Variants in PSMB7 observed in about 807,000 individuals in gnomAD.
PSMB7 encodes proteasome 20S subunit beta 7.
Under a neutral mutation model 28.1 loss-of-function variants are expected in PSMB7, and 5 were observed. That is an observed-to-expected ratio of 0.18 (90% confidence interval 0.09 to 0.37). The LOEUF is 0.37. Among genes scored for constraint, PSMB7 ranks in the 10% least tolerant of loss-of-function variants. PSMB7 has a pLI of 1.00. For missense variants in PSMB7, 275 were observed against 346.2 expected, an observed-to-expected ratio of 0.79 and a Z score of 1.63; for synonymous variants, 122 against 123.7, an observed-to-expected ratio of 0.99 and a Z score of 0.09.
chr9:124,385,009 G>A (rs902039150), intron 5 of PSMB7, among the ~76,000 whole-genome samples: 3 of 152,246 alleles, frequency 2.0e-5, no homozygotes, highest in African/African-American at 4.8e-5. Flanking sequence ...TCTATGCTGT[G>A]AGTCTAGTGC....
intron 6 of PSMB7, among the ~76,000 whole-genome samples, chr9:124,360,418 GGCC>G (rs1225937233): frequency 6.6e-6 from 1 of 152,214 alleles, no homozygotes; most frequent in African/African-American, 2.4e-5. Flanking sequence ...GCTACAGAGG[GGCC>G]TTGATAAGGG....
intron 6 of PSMB7, among the ~76,000 whole-genome samples, chr9:124,360,388 G>A (rs1830454360): frequency 6.6e-6 from 1 of 152,222 alleles, no homozygotes; most frequent in South Asian, 2.1e-4. Flanking sequence ...GGCCTGGGCA[G>A]CATCTGCCCG....
intron 6 of PSMB7, among the ~76,000 whole-genome samples, chr9:124,360,966 A>C (rs1043739613): frequency 2.0e-5 from 3 of 152,230 alleles, no homozygotes; most frequent in African/African-American, 7.2e-5. Context: ...AACACAACTT[A>C]TCTCTAAGCA....
chr9:124,404,204 A>G (rs1830940602), intron 5 of PSMB7, among the ~76,000 whole-genome samples: 1 of 151,952 alleles, frequency 6.6e-6, no homozygotes, highest in African/African-American at 2.4e-5. Context: ...CTTTCTATTT[A>G]ACACTGCCAT....
At chr9:124,375,502 T>C (rs974254245) in intron 6 of PSMB7, among the ~76,000 whole-genome samples, 20 of 152,154 alleles carry the variant, frequency 1.3e-4, no homozygotes, top group Non-Finnish European at 2.5e-4. Context: ...AGAAAATAAT[T>C]TGGGGTCTAA....
At chr9:124,358,180 C>CA (rs1830432533) in intron 6 of PSMB7, among the ~76,000 whole-genome samples, 1 of 152,188 alleles carries the variant, frequency 6.6e-6, no homozygotes, top group Non-Finnish European at 1.5e-5. Context: ...CAGCCTGAGA[C>CA]CCTCAAAGGG....
intron 5 of PSMB7, among the ~76,000 whole-genome samples, chr9:124,393,166 C>A (rs184873402): frequency 6.6e-6 from 1 of 152,178 alleles, no homozygotes; most frequent in Middle Eastern, 3.2e-3. Flanking sequence ...TAAAATAAGG[C>A]GGGCACCAGG....
intron 4 of PSMB7, among the ~76,000 whole-genome samples, chr9:124,411,556 A>G (rs1408623384): frequency 6.6e-6 from 1 of 152,254 alleles, no homozygotes; most frequent in Non-Finnish European, 1.5e-5. Flanking sequence ...ACCCAAGACT[A>G]AATGCCCAGG....
chr9:124,413,549 A>G (rs1831053514), intron 3 of PSMB7, among the ~76,000 whole-genome samples: 1 of 152,242 alleles, frequency 6.6e-6, no homozygotes, highest in African/African-American at 2.4e-5. Flanking sequence ...AGAGAGGCCA[A>G]TTAAATGGTA....
At chr9:124,381,597 T>C (rs549271121) in intron 6 of PSMB7, among the ~76,000 whole-genome samples, 1 of 152,232 alleles carries the variant, frequency 6.6e-6, no homozygotes, top group Non-Finnish European at 1.5e-5. Context: ...CCAGGGCTTT[T>C]TGACACAGAA....
intron 6 of PSMB7, among the ~76,000 whole-genome samples, chr9:124,357,497 G>A (rs1263490223): frequency 2.0e-5 from 3 of 152,194 alleles, no homozygotes; most frequent in East Asian, 3.8e-4. Context: ...GTAGTTCTGG[G>A]GAAATGCTGG....
chr9:124,358,705 C>A (rs1218276165), intron 6 of PSMB7, among the ~76,000 whole-genome samples: 1 of 152,204 alleles, frequency 6.6e-6, no homozygotes, highest in East Asian at 1.9e-4. Context: ...TGGGCACGTG[C>A]GGGGAGAACC....
At chr9:124,386,866 TAGGC>T (rs765931496) in intron 5 of PSMB7, among the ~76,000 whole-genome samples, 17 of 152,146 alleles carry the variant, frequency 1.1e-4, no homozygotes, top group Non-Finnish European at 2.1e-4. Flanking sequence ...TTCTTTTTCC[TAGGC>T]ACATATATTT....
intron 3 of PSMB7, among the ~76,000 whole-genome samples, chr9:124,413,072 A>T (rs10733667): frequency 0.98 from 145,353 of 148,168 alleles, 71,339 homozygotes; most frequent in East Asian, 1. Flanking sequence ...TCCCAGCACT[A>T]TGTGAGACCC....
intron 2 of PSMB7, among the ~76,000 whole-genome samples, chr9:124,414,360 T>G (rs1378703483): frequency 6.6e-6 from 1 of 152,210 alleles, no homozygotes; most frequent in Non-Finnish European, 1.5e-5. Context: ...TAAAACATGT[T>G]GCTTTTCTTT....
intron 3 of PSMB7, 42 bp downstream of exon 3, chr9:124,413,866 T>C (rs1467368246): frequency 1.4e-6 from 2 of 1,383,536 alleles, no homozygotes; most frequent in South Asian, 1.2e-5. Flanking sequence ...AGCCCTGACA[T>C]GTTTGAAAAT....
intron 6 of PSMB7, among the ~76,000 whole-genome samples, chr9:124,374,616 G>A (rs934270937): frequency 2.0e-5 from 3 of 152,162 alleles, no homozygotes; most frequent in East Asian, 1.9e-4. Context: ...CTGGAGGCCA[G>A]GAGTTCAAGA....
chr9:124,400,258 G>A (rs1037739077), intron 5 of PSMB7, among the ~76,000 whole-genome samples: 2 of 152,208 alleles, frequency 1.3e-5, no homozygotes, highest in African/African-American at 2.4e-5. Flanking sequence ...AGGCGTTTAA[G>A]TGTTCTTTCT....
At chr9:124,377,299 C>G (rs1423446553) in intron 6 of PSMB7, among the ~76,000 whole-genome samples, 1 of 152,186 alleles carries the variant, frequency 6.6e-6, no homozygotes, top group Non-Finnish European at 1.5e-5. Context: ...CAGCGCAATC[C>G]TCTAGCTCCC....
Sources: allele counts gnomAD v4.1 joint callset (sites outside exome capture counted in the v4.1 genomes callset), GRCh38; gene constraint gnomAD v4.1.1; transcripts MANE v1.5; gene names NCBI Gene and HGNC (gene_info 2026-07-23, HGNC 2026-07-21).